MOBP: variants seen among roughly 807,000 people sequenced by gnomAD.
MOBP encodes myelin-associated oligodendrocyte basic protein.
A neutral mutation model predicts 15.0 loss-of-function variants in MOBP; 5 were observed. The observed-to-expected ratio is 0.33, with a 90% CI of 0.17 to 0.70. The LOEUF (loss-of-function observed/expected upper bound fraction) is 0.70, where lower values mean the gene tolerates loss of function less well. Among genes scored for constraint, MOBP ranks in the 30% least tolerant of loss-of-function variants. The probability of loss-of-function intolerance (pLI) is 0.67; values close to 1 mark genes in which losing one functional copy is unlikely to be tolerated. For synonymous variants in MOBP, 88 were observed against 99.0 expected, an observed-to-expected ratio of 0.89 and a Z score of 0.66; for missense variants, 188 against 257.8, an observed-to-expected ratio of 0.73 and a Z score of 1.85.
chr3:39,515,108 G>A (rs2125671173), exon 5 of MOBP: 1 of 152,420 alleles, frequency 6.6e-6, no homozygotes, highest in South Asian at 2.1e-4. Flanking sequence ...TCCCTGAGGA[G>A]CCTGACCACT....
At chr3:39,495,087 C>T (rs1365218581) in intron 2 of MOBP, among the ~76,000 whole-genome samples, 1 of 152,144 alleles carries the variant, frequency 6.6e-6, no homozygotes, top group African/African-American at 2.4e-5. Flanking sequence ...TGCTAGACTA[C>T]AGTTTGTGCA....
chr3:39,518,519 C>T (rs1197167397), downstream of MOBP, among the ~76,000 whole-genome samples: 1 of 152,102 alleles, frequency 6.6e-6, no homozygotes, highest in African/African-American at 2.4e-5. Context: ...CAAATCTACC[C>T]TTCATGCAGA....
At chr3:39,513,307 C>A in intron 4 of MOBP, 1 of 1,331,536 alleles carries the variant, frequency 7.5e-7, no homozygotes, top group Non-Finnish European at 1.1e-6. Flanking sequence ...ATTATACTAA[C>A]TGAACACAGA....
At chr3:39,474,457 C>CTACTTAA (rs1559414087) in intron 1 of MOBP, among the ~76,000 whole-genome samples, 2 of 152,150 alleles carry the variant, frequency 1.3e-5, no homozygotes, top group African/African-American at 4.8e-5. Flanking sequence ...ATGGTACAGG[C>CTACTTAA]TACTTAATAC....
At chr3:39,469,206 ATGTGTGTG>A (rs372208840) in intron 1 of MOBP, among the ~76,000 whole-genome samples, 2 of 64,898 alleles carry the variant, frequency 3.1e-5, no homozygotes, top group Non-Finnish European at 2.8e-5. Flanking sequence ...ACATATATAC[ATGTGTGTG>A]TATATACATA....
intron 2 of MOBP, among the ~76,000 whole-genome samples, chr3:39,487,245 T>C (rs1437718030): frequency 1.3e-5 from 2 of 152,100 alleles, no homozygotes; most frequent in African/African-American, 4.8e-5. Flanking sequence ...GCCCAGCCTG[T>C]AGTTTTTAAT....
At chr3:39,487,518 C>CTTTTTT (rs1216386382) in intron 2 of MOBP, among the ~76,000 whole-genome samples, 140 of 102,442 alleles carry the variant, frequency 1.4e-3, no homozygotes, top group African/African-American at 1.8e-3. Flanking sequence ...AATTTTCTTT[C>CTTTTTT]TTTTTTTTTT....
intron 2 of MOBP, among the ~76,000 whole-genome samples, chr3:39,493,217 G>T (rs2042826698): frequency 6.6e-6 from 1 of 152,136 alleles, no homozygotes; most frequent in African/African-American, 2.4e-5. Context: ...ATTTCTTCCT[G>T]TAGCCTTTTT....
intron 1 of MOBP, among the ~76,000 whole-genome samples, chr3:39,471,787 C>T (rs538867): frequency 0.093 from 14,217 of 152,202 alleles, 1,151 homozygotes; most frequent in African/African-American, 0.21. Flanking sequence ...CTAGTAATTA[C>T]GCATAGAAGG....
At chr3:39,497,524 T>C (rs1232644334) in intron 2 of MOBP, among the ~76,000 whole-genome samples, 3 of 152,214 alleles carry the variant, frequency 2.0e-5, no homozygotes, top group African/African-American at 7.2e-5. Context: ...GTTGGACCTG[T>C]CTAAAGTGCT....
downstream of MOBP, chr3:39,525,260 G>A (rs893414641): frequency 7.9e-5 from 12 of 152,290 alleles, no homozygotes; most frequent in South Asian, 2.1e-4. Flanking sequence ...TATATTCAAG[G>A]TTATATGTCT....
intron 2 of MOBP, among the ~76,000 whole-genome samples, chr3:39,501,239 C>T (rs1377388124): frequency 6.6e-6 from 1 of 152,252 alleles, no homozygotes; most frequent in Non-Finnish European, 1.5e-5. Context: ...TATGCATCTC[C>T]AACCTGACCC....
downstream of MOBP, chr3:39,526,328 T>G (rs749727397): frequency 6.6e-6 from 1 of 152,230 alleles, no homozygotes; most frequent in African/African-American, 2.4e-5. Flanking sequence ...ATTCTCTGTT[T>G]GTCTGTTGTG....
chr3:39,469,224 ATATACATATG>A (rs2042427955), intron 1 of MOBP, among the ~76,000 whole-genome samples: 1 of 131,262 alleles, frequency 7.6e-6, no homozygotes, highest in African/African-American at 3.2e-5. Context: ...GTATATACAT[ATATACATATG>A]TGTGTGTATA....
At chr3:39,481,961 T>C (rs1274938444) in intron 2 of MOBP, among the ~76,000 whole-genome samples, 3 of 152,168 alleles carry the variant, frequency 2.0e-5, no homozygotes. Flanking sequence ...TCCCTTCCAC[T>C]CTCATGGCTT....
chr3:39,484,166 T>A (rs115704852), intron 2 of MOBP, among the ~76,000 whole-genome samples: 1,814 of 152,236 alleles, frequency 0.012, 33 homozygotes, highest in African/African-American at 0.041. Flanking sequence ...CCTGATGAGG[T>A]AAGACCTCAG....
At chr3:39,493,256 A>G (rs1448146629) in intron 2 of MOBP, among the ~76,000 whole-genome samples, 1 of 152,268 alleles carries the variant, frequency 6.6e-6, no homozygotes, top group Non-Finnish European at 1.5e-5. Flanking sequence ...GTTTATAGAT[A>G]CTATGACACT....
chr3:39,475,905 A>G (rs561740497), intron 1 of MOBP, among the ~76,000 whole-genome samples: 4 of 152,244 alleles, frequency 2.6e-5, no homozygotes, highest in Non-Finnish European at 1.5e-5. Context: ...TAATTAAAAA[A>G]CAAAATTTGG....
In MOBP at chr3:39,502,732, G is replaced by C. The variant is rs1216228772; in HGVS notation, c.404G>C (p.Arg135Pro). The C allele has an allele frequency of 6.5e-7, 1 of 1,534,960 alleles. No homozygotes were observed. Among genetic ancestry groups the C allele is most frequent in the Non-Finnish European group, 8.7e-7 (1 of 1,146,560 alleles). The part of the protein sequence containing the change: ...RQPRSPPRSE[R>P]QPRPRPEVRP... ...CCACGGTCCCCTCCGAGGTCTGAGC[G>C]TCAGCCACGTCCCCGCCCAGAGGTC... The change falls in exon 4 of 4, where the codon CGT (arginine) becomes CCT (proline). Residue 135 changes from arginine to proline, a missense_variant. By Grantham distance (103) the Arg-to-Pro change is moderately radical. Transcript: ENST00000684792. The surrounding 1 kb of genome is among the most constrained non-coding windows in gnomAD (Gnocchi z 6.3).
Sources: gnomAD v4.1 joint callset for allele counts (sites outside exome capture counted in the v4.1 genomes callset) on GRCh38, gnomAD v4.1.1 for gene constraint, Gnocchi (gnomAD v3.1) non-coding constraint, MANE v1.5 for transcripts, NCBI Gene and HGNC (gene_info 2026-07-23, HGNC 2026-07-21) for gene names.